Variants in CADM1 observed in about 807,000 individuals in gnomAD.
CADM1 encodes TSLC-1.
A neutral mutation model predicts 53.1 loss-of-function variants in CADM1; 15 were observed. The ratio of observed to expected loss-of-function variants is 0.28; its 90% confidence interval spans 0.19 to 0.44. CADM1 has a LOEUF of 0.44. CADM1 is among the 20% of genes least tolerant of loss of function. The probability of loss-of-function intolerance (pLI) is 1.00; values close to 1 mark genes in which losing one functional copy is unlikely to be tolerated. For synonymous variants in CADM1, 281 were observed against 243.0 expected (o/e 1.16, Z -1.45); for missense variants, 434 against 611.3 (o/e 0.71, Z 3.06).
intron 1 of CADM1, among the ~76,000 whole-genome samples, chr11:115,241,347 C>T (rs554157218): frequency 1.8e-4 from 28 of 152,292 alleles, no homozygotes; most frequent in Admixed American, 3.3e-4. Context: ...GTAGGGGATA[C>T]AGAAGTATAT....
At chr11:115,219,165 AAAC>A (rs1241652225) in intron 5 of CADM1, among the ~76,000 whole-genome samples, 7 of 152,166 alleles carry the variant, frequency 4.6e-5, no homozygotes, top group East Asian at 1.9e-4. Context: ...CATACCACCT[AAAC>A]AACAGCCCCT....
At chr11:115,386,460 C>A (rs1946700566) in intron 1 of CADM1, among the ~76,000 whole-genome samples, 1 of 152,184 alleles carries the variant, frequency 6.6e-6, no homozygotes, top group Non-Finnish European at 1.5e-5. Flanking sequence ...GAATTAATTT[C>A]TTACAGTTAT....
intron 1 of CADM1, among the ~76,000 whole-genome samples, chr11:115,426,435 A>G (rs1947894858): frequency 6.6e-6 from 1 of 152,130 alleles, no homozygotes; most frequent in South Asian, 2.1e-4. Context: ...AGTGGGGTGC[A>G]CACTGTAGCT....
chr11:115,317,662 G>T (rs2135179090), intron 1 of CADM1, among the ~76,000 whole-genome samples: 1 of 152,270 alleles, frequency 6.6e-6, no homozygotes, highest in Non-Finnish European at 1.5e-5. Context: ...TGACAGCTGT[G>T]TCACTAATTC....
At chr11:115,480,242 A>C (rs1192752440) in intron 1 of CADM1, among the ~76,000 whole-genome samples, 2 of 152,172 alleles carry the variant, frequency 1.3e-5, no homozygotes, top group African/African-American at 4.8e-5. Context: ...ACAAAACAAA[A>C]AACTGGAAGA....
At chr11:115,439,266 C>T (rs544208431) in intron 1 of CADM1, among the ~76,000 whole-genome samples, 2 of 152,250 alleles carry the variant, frequency 1.3e-5, no homozygotes, top group African/African-American at 4.8e-5. Flanking sequence ...TATGGACATA[C>T]AGAAGAAATT....
intron 1 of CADM1, among the ~76,000 whole-genome samples, chr11:115,425,444 C>T (rs768215624): frequency 1.3e-5 from 2 of 152,216 alleles, no homozygotes; most frequent in Non-Finnish European, 2.9e-5. Context: ...CCCACTTCAA[C>T]AACAGATAAG....
chr11:115,468,393 A>T (rs1175054351), intron 1 of CADM1, among the ~76,000 whole-genome samples: 1 of 152,244 alleles, frequency 6.6e-6, no homozygotes, highest in Non-Finnish European at 1.5e-5. Flanking sequence ...AGACTCTCCT[A>T]GAACAGGTGA....
chr11:115,245,636 C>T (rs1052088027), intron 1 of CADM1, among the ~76,000 whole-genome samples: 1 of 152,222 alleles, frequency 6.6e-6, no homozygotes, highest in Non-Finnish European at 1.5e-5. Context: ...TTCCTGCTAA[C>T]GTTTCTGAGA....
intron 1 of CADM1, among the ~76,000 whole-genome samples, chr11:115,285,117 C>A (rs1489691706): frequency 6.6e-6 from 1 of 152,142 alleles, no homozygotes; most frequent in African/African-American, 2.4e-5. Flanking sequence ...TCAGTCAATG[C>A]CAAGGAATCA....
chr11:115,203,085 A>G (rs907751583), intron 8 of CADM1, among the ~76,000 whole-genome samples: 3 of 152,136 alleles, frequency 2.0e-5, no homozygotes, highest in Non-Finnish European at 4.4e-5. Flanking sequence ...CTTCCTTGTT[A>G]AAGTCACCTC....
intron 5 of CADM1, among the ~76,000 whole-genome samples, chr11:115,223,009 C>T (rs778661093): frequency 1.3e-5 from 2 of 152,012 alleles, no homozygotes; most frequent in East Asian, 3.9e-4. Context: ...GTAACTAGAA[C>T]GGTGCCAGGG....
chr11:115,448,047 T>C (rs114553415), intron 1 of CADM1, among the ~76,000 whole-genome samples: 1,742 of 152,272 alleles, frequency 0.011, 38 homozygotes, highest in African/African-American at 0.039. Context: ...CACAGTAAGC[T>C]TTCCCTATTC....
Position 115,201,190 on chromosome 11 carries a change from G to A in CADM1, c.1079-2752C>T, listed in dbSNP as rs143079088. Among the ~76,000 whole-genome samples the A allele has an allele frequency of 2.2e-3, 331 of 152,224 alleles. 1 individual carries two copies. The highest frequency in any genetic ancestry group is 0.017 in the Middle Eastern group (5 of 294). On this transcript the variant is annotated intron_variant, in intron 8 of 11. Coordinates refer to ENST00000331581, the MANE Select transcript of CADM1 (RefSeq NM_001301043.2). ...ACTGCAGCTGGAAATGGCAAAACCC[G>A]GAGCAGCAACGGGGTAGGAGACTGC... is the stretch of plus-strand genomic sequence containing the variant.
At chr11:115,284,757 G>A (rs1943687433) in intron 1 of CADM1, among the ~76,000 whole-genome samples, 1 of 152,010 alleles carries the variant, frequency 6.6e-6, no homozygotes, top group African/African-American at 2.4e-5. Context: ...TAAAGTCAAA[G>A]GTATTATGTA....
intron 8 of CADM1, 88 bp from the exon 9 acceptor site, chr11:115,198,526 G>C (rs1940271678): frequency 2.2e-6 from 2 of 930,126 alleles, no homozygotes; most frequent in African/African-American, 1.6e-5. Context: ...AAATGGAACA[G>C]ATAATATATG....
At chr11:115,475,111 G>A (rs1055648480) in intron 1 of CADM1, among the ~76,000 whole-genome samples, 8 of 152,052 alleles carry the variant, frequency 5.3e-5, no homozygotes, top group African/African-American at 1.7e-4. Context: ...TGCTCGAGTC[G>A]CTTATATAAA....
intron 1 of CADM1, among the ~76,000 whole-genome samples, chr11:115,429,854 G>A (rs1191191262): frequency 6.6e-6 from 1 of 152,084 alleles, no homozygotes; most frequent in Non-Finnish European, 1.5e-5. Context: ...AACTCAGTGT[G>A]GTTTGTTCCC....
At chr11:115,219,892 A>C (rs1249619050) in intron 5 of CADM1, among the ~76,000 whole-genome samples, 1 of 152,192 alleles carries the variant, frequency 6.6e-6, no homozygotes, top group Non-Finnish European at 1.5e-5. Flanking sequence ...CTGGACACAC[A>C]GAAAACAGAA....
Sources: allele counts gnomAD v4.1 joint callset (sites outside exome capture counted in the v4.1 genomes callset), GRCh38; gene constraint gnomAD v4.1.1; transcripts MANE v1.5; gene names NCBI Gene and HGNC (gene_info 2026-07-23, HGNC 2026-07-21).